COG5: variants seen among roughly 807,000 people sequenced by gnomAD.
COG5 encodes component of oligomeric golgi complex 5.
In COG5, 86 loss-of-function variants were observed where a neutral mutation model predicts 110.4. The ratio of observed to expected loss-of-function variants is 0.78; its 90% CI spans 0.65 to 0.93. The LOEUF (loss-of-function observed/expected upper bound fraction) is 0.93, where lower values mean the gene tolerates loss of function less well. Ranked by LOEUF, COG5 falls within the 40% of genes least tolerant of loss-of-function variation. The pLI is 0.00. For missense variants in COG5, 1,077 were observed against 987.0 expected (o/e 1.09, Z -1.22); for synonymous variants, 360 against 334.6 (o/e 1.08, Z -0.83).
At chr7:107,231,296 A>G (rs954835393) in intron 18 of COG5, among the ~76,000 whole-genome samples, 1 of 152,218 alleles carries the variant, frequency 6.6e-6, no homozygotes, top group Non-Finnish European at 1.5e-5. Context: ...TGCATAGCAT[A>G]TAAGTGCTGT....
chr7:107,553,302 G>A (rs892127081), intron 3 of COG5, among the ~76,000 whole-genome samples: 4 of 152,196 alleles, frequency 2.6e-5, no homozygotes, highest in African/African-American at 9.7e-5. Context: ...GGTACTTAGA[G>A]CTTCCTAATC....
At position 107,549,077 on chromosome 7, in the gene COG5, A is replaced by G. The variant is rs1458887627; in HGVS notation, c.293-745T>C. ...CAAATAAACATTCCTATCAGCATAC[A>G]AGTATACAATAACAGAGTTCAGTTC... On this transcript the variant is annotated intron_variant, in intron 3 of 21. Transcript: ENST00000297135. The G allele has an allele frequency of 8.5e-5, 13 of 152,426 alleles. No homozygotes were observed. In the East Asian group the frequency reaches 2.5e-3, roughly 29 times the overall value. The allele number at this position is 152,426 out of a possible 1,614,324, so 9.4% of individuals were successfully genotyped here. A position where few individuals can be genotyped will look rare whatever the true frequency, so the allele number is the denominator to read the frequency against.
intron 6 of COG5, among the ~76,000 whole-genome samples, chr7:107,413,771 T>C (rs189219870): frequency 7.9e-5 from 12 of 152,316 alleles, no homozygotes; most frequent in Admixed American, 7.2e-4. Flanking sequence ...GACTAACATT[T>C]TTGAAGATAT....
chr7:107,533,920 GGT>G (rs1331704541), intron 5 of COG5, among the ~76,000 whole-genome samples: 2 of 151,544 alleles, frequency 1.3e-5, no homozygotes, highest in African/African-American at 4.9e-5. Flanking sequence ...CCAAGAGAAA[GGT>G]CAGGTTACCC....
chr7:107,272,967 A>C (rs933488182), intron 14 of COG5, among the ~76,000 whole-genome samples: 1 of 152,178 alleles, frequency 6.6e-6, no homozygotes, highest in Non-Finnish European at 1.5e-5. Flanking sequence ...TCAAATGCAG[A>C]GTTTTAGTTT....
Position 107,467,353 on chromosome 7 carries a change from AATT to A in COG5, c.539-54724_539-54722del, listed in dbSNP as rs569021257. ...GGATCTTCATAAATTGATAATCTGA[AATT>A]ATTATTATTTTTTTTTTGAGACCTA... On this transcript the variant is annotated intron_variant, in intron 6 of 21. Transcript: ENST00000297135. Among the ~76,000 whole-genome samples, 838 of 152,142 alleles carry A rather than the reference AATT, an allele frequency of 5.5e-3. 8 individuals are homozygous for A. Among genetic ancestry groups the A allele is most frequent in the African/African-American group, 0.019 (802 of 41,514 alleles).
At chr7:107,546,360 G>A (rs977264661) in intron 5 of COG5, among the ~76,000 whole-genome samples, 1 of 151,024 alleles carries the variant, frequency 6.6e-6, no homozygotes, top group Non-Finnish European at 1.5e-5. Flanking sequence ...ATAAAGATCA[G>A]GGCAGAAATA....
At chr7:107,218,752 A>G (rs2116281099) in intron 19 of COG5, among the ~76,000 whole-genome samples, 1 of 152,192 alleles carries the variant, frequency 6.6e-6, no homozygotes, top group South Asian at 2.1e-4. Flanking sequence ...AAACTGTAAA[A>G]AAAACTAGAA....
At chr7:107,401,133 G>A (rs185104662) in intron 7 of COG5, among the ~76,000 whole-genome samples, 13 of 151,728 alleles carry the variant, frequency 8.6e-5, no homozygotes, top group Admixed American at 3.9e-4. Flanking sequence ...TTAGCACTGC[G>A]GCAACATAAA....
chr7:107,490,266 G>C (rs769097200), intron 6 of COG5, among the ~76,000 whole-genome samples: 8 of 152,100 alleles, frequency 5.3e-5, no homozygotes, highest in Admixed American at 2.0e-4. Context: ...TTGAGCTCAA[G>C]AGAGCCTCCC....
chr7:107,217,313 G>A (rs1355545814), intron 19 of COG5, among the ~76,000 whole-genome samples: 1 of 152,028 alleles, frequency 6.6e-6, no homozygotes, highest in Non-Finnish European at 1.5e-5. Context: ...TCTATAAAAG[G>A]TTTAAAGAAG....
chr7:107,299,836 T>TATATATATAC (rs1807084044), intron 11 of COG5, among the ~76,000 whole-genome samples: 1 of 93,148 alleles, frequency 1.1e-5, no homozygotes, highest in African/African-American at 3.6e-5. Flanking sequence ...CATATATATA[T>TATATATATAC]ATATATATAT....
chr7:107,367,405 C>T (rs566236893), intron 8 of COG5, among the ~76,000 whole-genome samples: 2 of 152,086 alleles, frequency 1.3e-5, no homozygotes, highest in African/African-American at 2.4e-5. Flanking sequence ...ATCTACCATT[C>T]GATCCAGCAG....
chr7:107,522,345 G>A (rs1421504314), intron 6 of COG5, among the ~76,000 whole-genome samples: 1 of 152,204 alleles, frequency 6.6e-6, no homozygotes, highest in African/African-American at 2.4e-5. Context: ...GTGAATGCCT[G>A]TAATCCCGGC....
At position 107,201,550 on chromosome 7, in the gene COG5, T is replaced by C. The variant is rs1351646152; in HGVS notation, c.*1966A>G. 5.3e-6 allele frequency: 3 copies of C among 561,624 alleles called. No individual in the cohort carries two copies. The highest frequency in any genetic ancestry group is 1.9e-5 in the African/African-American group (1 of 52,354). 34.8% of individuals were successfully genotyped at this position (561,624 alleles called of 1,614,324 possible). Reference sequence around the variant, plus strand: ...AATTCGTGTGACCATAAGATACTGATAGCATTGAGTCTTGAAATGATTTAA... The same window carrying C: ...AATTCGTGTGACCATAAGATACTGACAGCATTGAGTCTTGAAATGATTTAA... On this transcript the variant is annotated 3_prime_UTR_variant, in exon 22 of 22. Transcript: ENST00000297135.
In COG5 at chr7:107,454,066, T is replaced by C. The variant is rs7788224; in HGVS notation, c.539-41434A>G. Among the ~76,000 whole-genome samples the C allele has an allele frequency of 1.3e-3, 191 of 152,260 alleles. 2 individuals carry two copies. The highest frequency in any genetic ancestry group is 4.4e-3 in the African/African-American group (182 of 41,594). On this transcript the variant is annotated intron_variant, in intron 6 of 21. Coordinates refer to ENST00000297135, the MANE Select transcript of COG5 (RefSeq NM_006348.5). ...CAACAGTAAAAGACTATTTCAAAAC[T>C]AATTCAATATGACAAAAGCAAGCAA...
At chr7:107,563,489 TGCCAACGC>T in intron 1 of COG5, 1 of 430,150 alleles carries the variant, frequency 2.3e-6, no homozygotes, top group South Asian at 2.1e-5. Context: ...AGCCGGTGGC[TGCCAACGC>T]GGTCCACAGG....
At position 107,201,415 on chromosome 7, in the gene COG5, G is replaced by C; in HGVS notation, c.*2101C>G. On this transcript the variant is annotated 3_prime_UTR_variant, in exon 22 of 22. Transcript: ENST00000297135. The stretch of plus-strand genomic sequence containing the variant: ...CTGAGTTTAATTTTATTTCCACAGG[G>C]CTCACAACAACATTAAACCAGGATG... The C allele has an allele frequency of 6.4e-7, 1 of 1,572,616 alleles. No individual in the cohort carries two copies. Among genetic ancestry groups the C allele is most frequent in the Non-Finnish European group, 8.7e-7 (1 of 1,143,720 alleles).
intron 6 of COG5, among the ~76,000 whole-genome samples, chr7:107,498,674 A>AT (rs1798431760): frequency 6.6e-6 from 1 of 152,170 alleles, no homozygotes; most frequent in African/African-American, 2.4e-5. Flanking sequence ...GAGAAATTGG[A>AT]ATCGTTTTAC....
Sources: allele counts gnomAD v4.1 joint callset (sites outside exome capture counted in the v4.1 genomes callset), GRCh38; gene constraint gnomAD v4.1.1; transcripts MANE v1.5; gene names NCBI Gene and HGNC (gene_info 2026-07-23, HGNC 2026-07-21).